The following XIRP2 variants were observed in gnomAD, a reference collection of about 807,000 sequenced individuals.
XIRP2 encodes xin actin binding repeat containing 2, also known as xin actin-binding repeat-containing protein 2.
A neutral mutation model predicts 277.0 loss-of-function variants in XIRP2; 236 were observed. That is an observed-to-expected ratio of 0.85 (90% confidence interval 0.77 to 0.95). The LOEUF is 0.95. XIRP2 is among the 40% of genes least tolerant of loss of function. XIRP2 has a pLI of 0.00. For synonymous variants in XIRP2, 1,490 were observed against 1,416.5 expected, an observed-to-expected ratio of 1.05 and a Z score of -1.17; for missense variants, 4,640 against 4,157.5, an observed-to-expected ratio of 1.12 and a Z score of -3.19.
intron 2 of XIRP2, among the ~76,000 whole-genome samples, chr2:166,914,177 G>T (rs949406317): frequency 6.6e-6 from 1 of 152,182 alleles, no homozygotes; most frequent in South Asian, 2.1e-4. Flanking sequence ...CTGACATGAT[G>T]CAGGGCCATG....
Position 167,062,495 on chromosome 2 carries a change from T to C in XIRP2, c.409-73414T>C, listed in dbSNP as rs540357290. ...CTACAGTATTCCTGTTACTTTGTTG[T>C]CTGGTTTTGACAACAGGTAATACAG... On this transcript the variant is annotated intron_variant, in intron 2 of 10. Coordinates refer to ENST00000409195, the MANE Select transcript of XIRP2 (RefSeq NM_152381.6). Among the ~76,000 whole-genome samples the C allele has an allele frequency of 5.3e-5, 8 of 152,288 alleles. No homozygotes were observed. The South Asian group carries it at 1.7e-3, about 32-fold the overall frequency.
intron 2 of XIRP2, among the ~76,000 whole-genome samples, chr2:166,976,482 G>A (rs113371572): frequency 0.013 from 1,964 of 152,070 alleles, 55 homozygotes; most frequent in African/African-American, 0.045. Context: ...TCTTTTTAAT[G>A]TTTCTAATGT....
At chr2:166,969,718 C>T (rs1196930502) in intron 2 of XIRP2, among the ~76,000 whole-genome samples, 1 of 151,228 alleles carries the variant, frequency 6.6e-6, no homozygotes, top group East Asian at 1.9e-4. Context: ...TTTAAATAAT[C>T]TCGTGTATGT....
chr2:166,903,923 C>T, intron 2 of XIRP2, 33 bp downstream of exon 2: 1 of 1,583,514 alleles, frequency 6.3e-7, no homozygotes, highest in African/African-American at 1.4e-5. Flanking sequence ...TCTATGTTTA[C>T]ATATGACTTC....
At chr2:167,101,828 A>C (rs943490914) in intron 2 of XIRP2, among the ~76,000 whole-genome samples, 2 of 152,324 alleles carry the variant, frequency 1.3e-5, no homozygotes, top group African/African-American at 2.4e-5. Flanking sequence ...TTCAATCAAA[A>C]AAGTTGCAGT....
At chr2:167,150,369 G>A (rs77414646) in intron 3 of XIRP2, among the ~76,000 whole-genome samples, 15,115 of 151,666 alleles carry the variant, frequency 0.1, 814 homozygotes, top group South Asian at 0.16. Flanking sequence ...AAATTTAAAA[G>A]GTCAACCAAC....
intron 2 of XIRP2, among the ~76,000 whole-genome samples, chr2:166,962,211 C>T (rs1004306389): frequency 2.6e-5 from 4 of 151,712 alleles, no homozygotes; most frequent in Non-Finnish European, 5.9e-5. Context: ...GTCATCTAAA[C>T]AGTCTTTGCT....
At chr2:167,011,590 A>G (rs1361288509) in intron 2 of XIRP2, among the ~76,000 whole-genome samples, 2 of 152,066 alleles carry the variant, frequency 1.3e-5, no homozygotes, top group African/African-American at 2.4e-5. Flanking sequence ...GCCTCATAAC[A>G]TGAGTTAGGG....
At position 167,251,541 on chromosome 2, in the gene XIRP2, C is replaced by T; in HGVS notation, c.10149C>T (p.Asn3383=). 1 of 1,613,526 alleles carries T rather than the reference C, an allele frequency of 6.2e-7. No individual in the cohort carries two copies. The change falls in exon 9 of 11, where the codon AAC becomes AAT. Residue 3383 remains asparagine (N), a synonymous_variant. Transcript: ENST00000409195. ...KEEFGLTSLG[N]TSFTDFSCKH... ...AATTTGGATTAACATCTTTAGGAAA[C>T]ACGAGTTTTACAGACTTTTCTTGCA...
intron 2 of XIRP2, among the ~76,000 whole-genome samples, chr2:167,060,175 TAA>T (rs1412850065): frequency 6.6e-6 from 1 of 151,944 alleles, no homozygotes; most frequent in African/African-American, 2.4e-5. Flanking sequence ...TATAAAATAA[TAA>T]GTTTTCAAAA....
In XIRP2 at chr2:166,980,395, T is replaced by G. The variant is rs79665378; in HGVS notation, c.408+76505T>G. ...ATTAACATTTATTGTAGTTATAAAT[T>G]TTAATGCAGTTACTAATATAGTATT... is the stretch of plus-strand genomic sequence containing the variant. On this transcript the variant is annotated intron_variant, in intron 2 of 10. Coordinates refer to ENST00000409195, the MANE Select transcript of XIRP2 (RefSeq NM_152381.6). Among the ~76,000 whole-genome samples the G allele has an allele frequency of 6.2e-3, 938 of 152,282 alleles. 77 individuals carry two copies. The East Asian group carries it at 0.16, about 26-fold the overall frequency.
chr2:167,215,762 C>A (rs1000405743), intron 4 of XIRP2, among the ~76,000 whole-genome samples: 13 of 152,194 alleles, frequency 8.5e-5, no homozygotes, highest in African/African-American at 2.9e-4. Context: ...TGGCATGGGG[C>A]CTGTTTCCTT....
intron 5 of XIRP2, among the ~76,000 whole-genome samples, chr2:167,221,626 T>G (rs1694435250): frequency 6.6e-6 from 1 of 152,176 alleles, no homozygotes; most frequent in Admixed American, 6.5e-5. Flanking sequence ...TAATGCTATC[T>G]AAGTGCATTC....
chr2:167,096,742 G>C (rs1351733263), intron 2 of XIRP2, among the ~76,000 whole-genome samples: 1 of 152,068 alleles, frequency 6.6e-6, no homozygotes, highest in Non-Finnish European at 1.5e-5. Context: ...CTGGTACATT[G>C]TGTCTTTGTT....
At chr2:167,235,524 A>T (rs1454579876) in intron 5 of XIRP2, among the ~76,000 whole-genome samples, 1 of 151,940 alleles carries the variant, frequency 6.6e-6, no homozygotes, top group African/African-American at 2.4e-5. Flanking sequence ...GAAGCTAATC[A>T]TTGGGATTTG....
chr2:167,246,892 G>T lies in XIRP2; in HGVS notation c.5500G>T (p.Glu1834Ter), dbSNP rs777705265. ...PQSTFGKIPKEEIIKGDLTST... is the reference protein window; with the variant it reads ...PQSTFGKIPK ...GAGTACATTTGGTAAGATACCCAAAGAAGAGATTATAAAAGGTGATTTGAC... is the reference window on the plus strand; with the variant it reads ...GAGTACATTTGGTAAGATACCCAAATAAGAGATTATAAAAGGTGATTTGAC... The change falls in exon 9 of 11, where the codon GAA (glutamate) becomes TAA (stop). Residue 1834 changes from glutamate (E) to a stop codon, truncating the protein, a stop_gained. Coordinates refer to ENST00000409195, the MANE Select transcript of XIRP2 (RefSeq NM_152381.6). LOFTEE classifies it high-confidence loss of function. 2.5e-6 allele frequency: 4 copies of T among 1,613,398 alleles called. No individual in the cohort carries two copies. Among genetic ancestry groups the T allele is most frequent in the Admixed American group, 1.7e-5 (1 of 59,960 alleles).
At chr2:167,256,026 T>A (rs1336876227) in intron 10 of XIRP2, among the ~76,000 whole-genome samples, 1 of 151,770 alleles carries the variant, frequency 6.6e-6, no homozygotes, top group Non-Finnish European at 1.5e-5. Context: ...TTCTTAAATA[T>A]ACCCACAGAT....
chr2:167,018,229 T>C (rs1344327660), intron 2 of XIRP2, among the ~76,000 whole-genome samples: 1 of 152,112 alleles, frequency 6.6e-6, no homozygotes, highest in Non-Finnish European at 1.5e-5. Flanking sequence ...CCCAGTACCA[T>C]AGCATTTTCC....
At chr2:166,966,953 G>T (rs1327121233) in intron 2 of XIRP2, among the ~76,000 whole-genome samples, 3 of 151,930 alleles carry the variant, frequency 2.0e-5, no homozygotes, top group Non-Finnish European at 2.9e-5. Flanking sequence ...TACTGAACCT[G>T]ATTTTGCTTT....
Sources: allele counts gnomAD v4.1 joint callset (sites outside exome capture counted in the v4.1 genomes callset), GRCh38; gene constraint gnomAD v4.1.1; transcripts MANE v1.5; gene names NCBI Gene and HGNC (gene_info 2026-07-23, HGNC 2026-07-21).